TEN1: variants seen among roughly 807,000 people sequenced by gnomAD.
The protein encoded by TEN1 is CST complex subunit TEN1.
TEN1 carries 6 observed loss-of-function variants against 9.3 expected under a neutral mutation model. The ratio of observed to expected loss-of-function variants is 0.65; its 90% CI spans 0.35 to 1.27. The LOEUF is 1.27. TEN1 is among the 50% of genes most tolerant of loss of function. TEN1 has a pLI of 0.03. For synonymous variants in TEN1, 65 were observed against 65.6 expected (o/e 0.99, Z 0.04); for missense variants, 149 against 158.2 (o/e 0.94, Z 0.31).
At chr17:75,999,780 C>T (rs948522590) in intron 3 of TEN1, among the ~76,000 whole-genome samples, 20 of 152,148 alleles carry the variant, frequency 1.3e-4, no homozygotes, top group Non-Finnish European at 2.8e-4. Context: ...GGTGGGATGA[C>T]CTGCTCCTAT....
intron 3 of TEN1, among the ~76,000 whole-genome samples, chr17:75,999,081 C>T (rs1436302509): frequency 6.6e-6 from 1 of 152,036 alleles, no homozygotes; most frequent in East Asian, 1.9e-4. Flanking sequence ...CACAGTGGCT[C>T]ACGCCTATAA....
At position 75,981,267 on chromosome 17, in the gene TEN1, A is replaced by G. The variant is rs866843827; in HGVS notation, c.-7+1756A>G. ...AGTTGCATGATTTCAGCTCACTGCA[A>G]CCTCCGCCTCCTGGGTTCAAATGAT... On this transcript the variant is annotated intron_variant, in intron 1 of 3. Transcript: ENST00000397640. Among the ~76,000 whole-genome samples, 10 of 151,782 alleles carry G rather than the reference A, an allele frequency of 6.6e-5. No homozygotes were observed. The Middle Eastern group carries it at 0.01, about 156-fold the overall frequency.
In TEN1 at chr17:76,000,022, A is replaced by C. The variant is rs915610177; in HGVS notation, c.251-119A>C. The C allele has an allele frequency of 2.3e-5, 33 of 1,443,618 alleles. No individual in the cohort carries two copies. Among genetic ancestry groups the C allele is most frequent in the Non-Finnish European group, 2.8e-5 (30 of 1,084,488 alleles). The allele number at this position is 1,443,618 out of a possible 1,614,324, so 89.4% of individuals were successfully genotyped here. A position where few individuals can be genotyped will look rare whatever the true frequency, so the allele number is the denominator to read the frequency against. ...TTTGCCCCATATGCTGTTATTGTCC[A>C]CATCACTTGCTGCCAAAACCCAGGA... is the stretch of plus-strand genomic sequence containing the variant. On this transcript the variant is annotated intron_variant, in intron 3 of 3. Transcript: ENST00000397640. The surrounding 1 kb of genome is among the most constrained non-coding windows in gnomAD (Gnocchi z 5.9).
intron 3 of TEN1, among the ~76,000 whole-genome samples, chr17:75,997,363 G>A (rs1174274892): frequency 2.0e-5 from 3 of 151,776 alleles, no homozygotes; most frequent in African/African-American, 7.3e-5. Context: ...CCCCCTCCCC[G>A]GCGCCACCAC....
chr17:75,993,169 T>C (rs1208012369), intron 3 of TEN1, among the ~76,000 whole-genome samples: 1 of 150,182 alleles, frequency 6.7e-6, no homozygotes, highest in Non-Finnish European at 1.5e-5. Flanking sequence ...AGTGGCATGA[T>C]CTCAGCTCAC....
rs1009470714 is a variant in TEN1 at position 76,000,508 on chromosome 17, C to T, written c.*246C>T. 7.4e-6 allele frequency: 4 copies of T among 543,068 alleles called. No individual in the cohort carries two copies. The highest frequency in any genetic ancestry group is 3.8e-5 in the African/African-American group (2 of 52,174). 33.6% of individuals were successfully genotyped at this position (543,068 alleles called of 1,614,324 possible). ...ACTGCAGGTGGCCGAGCTTGGGCGC[C>T]GGGGCCGTGCTTGGTGTGGGGCCAT... On this transcript the variant is annotated 3_prime_UTR_variant, in exon 4 of 4. Coordinates refer to ENST00000397640, the MANE Select transcript of TEN1 (RefSeq NM_001113324.3). The surrounding 1 kb of genome is among the most constrained non-coding windows in gnomAD (Gnocchi z 5.9).
intron 1 of TEN1, 149 bp downstream of exon 1, chr17:75,979,660 G>A (rs983523807): frequency 5.9e-6 from 1 of 170,578 alleles, no homozygotes; most frequent in African/African-American, 2.4e-5. Context: ...GGGAGACTCT[G>A]GAGTCTGGGG....
chr17:75,995,079 G>A (rs2066210764), intron 3 of TEN1, among the ~76,000 whole-genome samples: 2 of 152,108 alleles, frequency 1.3e-5, no homozygotes, highest in South Asian at 2.1e-4. Flanking sequence ...AAGTTATCCA[G>A]GTGTGGTGGC....
chr17:75,996,743 A>G (rs2066220492), intron 3 of TEN1, among the ~76,000 whole-genome samples: 1 of 151,708 alleles, frequency 6.6e-6, no homozygotes, highest in African/African-American at 2.4e-5. Context: ...AAAGAAAGAA[A>G]AAGAAAGAAA....
chr17:75,988,752 T>C (rs2066167609), intron 2 of TEN1, among the ~76,000 whole-genome samples: 1 of 152,004 alleles, frequency 6.6e-6, no homozygotes, highest in Non-Finnish European at 1.5e-5. Context: ...TGTGGTGATA[T>C]TGCATCATTT....
intron 3 of TEN1, among the ~76,000 whole-genome samples, chr17:75,996,592 C>T (rs8079794): frequency 0.18 from 27,421 of 151,290 alleles, 5,818 homozygotes; most frequent in African/African-American, 0.52. Flanking sequence ...GCCTGTAGTC[C>T]CAGCTACTGG....
At chr17:75,984,253 C>T (rs1235884680) in intron 1 of TEN1, among the ~76,000 whole-genome samples, 2 of 152,306 alleles carry the variant, frequency 1.3e-5, no homozygotes, top group East Asian at 3.9e-4. Context: ...TCTTACTTCT[C>T]TATCAAACTA....
At chr17:75,980,552 C>T (rs774002459) in intron 1 of TEN1, among the ~76,000 whole-genome samples, 2 of 151,918 alleles carry the variant, frequency 1.3e-5, no homozygotes, top group Non-Finnish European at 1.5e-5. Flanking sequence ...CTCAGCCTCC[C>T]GAGTAGCTGG....
At chr17:75,997,523 A>G (rs1598217537) in intron 3 of TEN1, among the ~76,000 whole-genome samples, 1 of 151,964 alleles carries the variant, frequency 6.6e-6, no homozygotes, top group Non-Finnish European at 1.5e-5. Context: ...GCCACCGACC[A>G]TCAGACACTG....
intron 1 of TEN1, among the ~76,000 whole-genome samples, chr17:75,981,556 C>A (rs117515321): frequency 6.6e-6 from 1 of 151,526 alleles, no homozygotes; most frequent in Non-Finnish European, 1.5e-5. Flanking sequence ...AAAACAATAC[C>A]CCAAAATGAA....
chr17:75,993,033 A>G (rs2066196410), intron 3 of TEN1, among the ~76,000 whole-genome samples: 1 of 148,676 alleles, frequency 6.7e-6, no homozygotes, highest in Non-Finnish European at 1.5e-5. Context: ...CGATCTTGGC[A>G]CCAGGCTCTA....
chr17:75,981,556 C>G (rs117515321), intron 1 of TEN1, among the ~76,000 whole-genome samples: 1 of 151,526 alleles, frequency 6.6e-6, no homozygotes, highest in East Asian at 1.9e-4. Context: ...AAAACAATAC[C>G]CCAAAATGAA....
rs149438199 is a variant in TEN1 at position 75,993,593 on chromosome 17, C to T, written c.250+1970C>T. 2.2e-3 allele frequency among the ~76,000 whole-genome samples: 337 copies of T among 152,296 alleles called. 2 individuals carry two copies. The highest frequency in any genetic ancestry group is 3.8e-3 in the Non-Finnish European group (256 of 68,026). ...GACCCGCCAGCAGTGCCTAGGCTGG[C>T]CTGATCAATGTCGACGTGATAAAAA... On this transcript the variant is annotated intron_variant, in intron 3 of 3. Transcript: ENST00000397640.
chr17:75,998,935 C>T, intron 3 of TEN1, among the ~76,000 whole-genome samples: 1 of 152,004 alleles, frequency 6.6e-6, no homozygotes, highest in East Asian at 1.9e-4. Context: ...AGGTGATCCA[C>T]CCATCTCGGA....
Sources: gnomAD v4.1 joint callset for allele counts (sites outside exome capture counted in the v4.1 genomes callset) on GRCh38, gnomAD v4.1.1 for gene constraint, Gnocchi (gnomAD v3.1) non-coding constraint, MANE v1.5 for transcripts, NCBI Gene and HGNC (gene_info 2026-07-23, HGNC 2026-07-21) for gene names.